KCNMB2: variants seen among roughly 807,000 people sequenced by gnomAD.
KCNMB2 encodes calcium-activated potassium channel subunit beta-2.
KCNMB2 carries 9 observed loss-of-function variants against 24.5 expected under a neutral mutation model. That is an observed-to-expected ratio of 0.37 (90% CI 0.22 to 0.64). The LOEUF is 0.64. KCNMB2 is among the 30% of genes least tolerant of loss of function. KCNMB2 has a pLI of 0.63. For synonymous variants in KCNMB2, 109 were observed against 104.4 expected (o/e 1.04, Z -0.27); for missense variants, 226 against 284.3 (o/e 0.79, Z 1.47).
chr3:178,642,027 G>A (rs754303296), intron 1 of KCNMB2, among the ~76,000 whole-genome samples: 2 of 151,968 alleles, frequency 1.3e-5, no homozygotes, highest in Non-Finnish European at 2.9e-5. Context: ...AAATAGCTAG[G>A]ATTTTGCCCC....
chr3:178,585,379 T>TC (rs1260814621), intron 1 of KCNMB2, among the ~76,000 whole-genome samples: 3 of 152,202 alleles, frequency 2.0e-5, no homozygotes, highest in African/African-American at 4.8e-5. Flanking sequence ...TAAGTCCAAG[T>TC]TATTATATTA....
chr3:178,825,817 C>A, intron 3 of KCNMB2, 59 bp downstream of exon 3: 1 of 1,401,688 alleles, frequency 7.1e-7, no homozygotes. Context: ...CCTCCCCCAT[C>A]ACTTAGGCAA....
At chr3:178,609,150 T>C (rs7637927) in intron 1 of KCNMB2, among the ~76,000 whole-genome samples, 12,167 of 152,284 alleles carry the variant, frequency 0.08, 575 homozygotes, top group Middle Eastern at 0.22. Flanking sequence ...CTCGCCAGCA[T>C]TTGTTATTGC....
At chr3:178,569,392 C>T (rs560602657) in intron 1 of KCNMB2, among the ~76,000 whole-genome samples, 8 of 152,144 alleles carry the variant, frequency 5.3e-5, no homozygotes, top group South Asian at 2.1e-4. Context: ...TGTAGAGGGG[C>T]GCACTACCCT....
At chr3:178,623,878 C>T (rs566858670) in intron 1 of KCNMB2, among the ~76,000 whole-genome samples, 2 of 152,260 alleles carry the variant, frequency 1.3e-5, no homozygotes, top group Non-Finnish European at 2.9e-5. Context: ...TACTTGAGTG[C>T]TGGGCAAGCC....
intron 1 of KCNMB2, among the ~76,000 whole-genome samples, chr3:178,796,321 C>G (rs1340074729): frequency 5.3e-5 from 8 of 152,122 alleles, no homozygotes; most frequent in African/African-American, 1.9e-4. Flanking sequence ...AGCTTCAACA[C>G]CCCACTTTCA....
chr3:178,545,354 G>A (rs2108449556), intron 1 of KCNMB2, among the ~76,000 whole-genome samples: 1 of 152,294 alleles, frequency 6.6e-6, no homozygotes, highest in South Asian at 2.1e-4. Context: ...GTTTGGTTTT[G>A]TAAGACGTTT....
intron 1 of KCNMB2, among the ~76,000 whole-genome samples, chr3:178,701,799 A>T (rs564341000): frequency 2.6e-5 from 4 of 152,288 alleles, no homozygotes; most frequent in Admixed American, 2.6e-4. Context: ...GAGAAATAGG[A>T]ACACTTTTAC....
At chr3:178,671,671 C>T (rs1045587878) in intron 1 of KCNMB2, among the ~76,000 whole-genome samples, 8 of 152,144 alleles carry the variant, frequency 5.3e-5, no homozygotes, top group Non-Finnish European at 8.8e-5. Flanking sequence ...CATTAGACAG[C>T]GTGCATTTCA....
intron 1 of KCNMB2, among the ~76,000 whole-genome samples, chr3:178,763,517 A>G (rs1711995227): frequency 6.6e-6 from 1 of 152,182 alleles, no homozygotes. Flanking sequence ...TGGGAGATTC[A>G]GTAAGCTCAA....
chr3:178,586,138 C>G (rs749831008), intron 1 of KCNMB2, among the ~76,000 whole-genome samples: 3 of 152,120 alleles, frequency 2.0e-5, no homozygotes, highest in Non-Finnish European at 4.4e-5. Context: ...GGGATAAGCC[C>G]ATGGATGTGT....
intron 4 of KCNMB2, among the ~76,000 whole-genome samples, chr3:178,840,973 C>G (rs1169510447): frequency 6.6e-6 from 1 of 152,214 alleles, no homozygotes; most frequent in Non-Finnish European, 1.5e-5. Context: ...TGCACATTTT[C>G]CAAATTTTTA....
At chr3:178,647,988 TTG>T (rs1360990782) in intron 1 of KCNMB2, among the ~76,000 whole-genome samples, 5 of 152,088 alleles carry the variant, frequency 3.3e-5, no homozygotes, top group Non-Finnish European at 7.4e-5. Context: ...ACAGTACATA[TTG>T]TCTTTTCTTT....
At chr3:178,838,570 CAAAAA>C (rs10706377) in intron 4 of KCNMB2, among the ~76,000 whole-genome samples, 5 of 132,374 alleles carry the variant, frequency 3.8e-5, no homozygotes, top group Non-Finnish European at 6.8e-5. Context: ...TACAGCTCAG[CAAAAA>C]AAAAAAAAAA....
At chr3:178,591,426 T>A (rs1717669085) in intron 1 of KCNMB2, among the ~76,000 whole-genome samples, 1 of 152,174 alleles carries the variant, frequency 6.6e-6, no homozygotes, top group Non-Finnish European at 1.5e-5. Context: ...AAAACATGCA[T>A]AAACGAGGAA....
Position 178,823,763 on chromosome 3 carries a change from G to A in KCNMB2, c.57-1825G>A, listed in dbSNP as rs554317366. Among the ~76,000 whole-genome samples, 13 of 152,196 alleles carry A rather than the reference G, an allele frequency of 8.5e-5. No individual in the cohort carries two copies. The South Asian group carries it at 1.2e-3, about 15-fold the overall frequency. ...AAGCCCTGAATAAACACACAACTGC[G>A]CAAACAACAGGCATATCTTCCCTCC... On this transcript the variant is annotated intron_variant, in intron 2 of 4. Transcript: ENST00000452583.
intron 1 of KCNMB2, among the ~76,000 whole-genome samples, chr3:178,771,774 G>A (rs893350611): frequency 6.6e-6 from 1 of 152,014 alleles, no homozygotes; most frequent in African/African-American, 2.4e-5. Flanking sequence ...GCCTTGAATG[G>A]GAAATCTACT....
chr3:178,641,222 C>T (rs1466113943), intron 1 of KCNMB2, among the ~76,000 whole-genome samples: 1 of 152,080 alleles, frequency 6.6e-6, no homozygotes, highest in African/African-American at 2.4e-5. Flanking sequence ...TTGTCAATAT[C>T]TACAAAACAG....
intron 1 of KCNMB2, among the ~76,000 whole-genome samples, chr3:178,572,386 A>G (rs1716836067): frequency 2.6e-5 from 4 of 152,206 alleles, no homozygotes; most frequent in Admixed American, 2.6e-4. Flanking sequence ...CCAAAGAACA[A>G]GTGCTATCTT....
Sources: allele counts gnomAD v4.1 joint callset (sites outside exome capture counted in the v4.1 genomes callset), GRCh38; gene constraint gnomAD v4.1.1; transcripts MANE v1.5; gene names NCBI Gene and HGNC (gene_info 2026-07-23, HGNC 2026-07-21).